RFX3: variants seen among roughly 807,000 people sequenced by gnomAD.
RFX3 encodes the protein transcription factor RFX3.
In RFX3, 14 loss-of-function variants were observed where a neutral mutation model predicts 98.6. The observed-to-expected ratio is 0.14, with a 90% CI of 0.09 to 0.22. The LOEUF (loss-of-function observed/expected upper bound fraction) is 0.22, where lower values mean the gene tolerates loss of function less well. Ranked by LOEUF, RFX3 falls within the 10% of genes least tolerant of loss-of-function variation. The pLI is 1.00. For missense variants in RFX3, 639 were observed against 926.9 expected (o/e 0.69, Z 4.03); for synonymous variants, 383 against 328.4 (o/e 1.17, Z -1.80).
chr9:3,366,966 A>G (rs187211725), intron 2 of RFX3, among the ~76,000 whole-genome samples: 122 of 151,968 alleles, frequency 8.0e-4, no homozygotes, highest in African/African-American at 2.4e-3. Flanking sequence ...TATATGCTTC[A>G]CTCTACCTCA....
chr9:3,342,487 T>G (rs1833999596), intron 3 of RFX3, among the ~76,000 whole-genome samples: 1 of 152,200 alleles, frequency 6.6e-6, no homozygotes, highest in Non-Finnish European at 1.5e-5. Context: ...ACTGATTATC[T>G]CTAAAGAGTG....
intron 2 of RFX3, among the ~76,000 whole-genome samples, chr9:3,375,269 A>G (rs1453869954): frequency 6.6e-6 from 1 of 152,172 alleles, no homozygotes; most frequent in African/African-American, 2.4e-5. Context: ...GCGCCTGATA[A>G]TACACTCTGG....
intron 1 of RFX3, among the ~76,000 whole-genome samples, chr9:3,501,967 T>A (rs1340513926): frequency 2.6e-5 from 4 of 151,852 alleles, no homozygotes; most frequent in Admixed American, 1.3e-4. Context: ...AAAAATCACT[T>A]TCGGCCAGGC....
chr9:3,330,603 T>C (rs1425019794), intron 3 of RFX3, 86 bp from the exon 4 acceptor site: 7 of 1,294,740 alleles, frequency 5.4e-6, no homozygotes, highest in East Asian at 2.5e-5. Flanking sequence ...AATTGAAATA[T>C]ATTGGTTGGC....
chr9:3,491,701 G>C (rs925250518), intron 1 of RFX3, among the ~76,000 whole-genome samples: 3 of 152,074 alleles, frequency 2.0e-5, no homozygotes, highest in African/African-American at 7.2e-5. Flanking sequence ...AACCACAGTT[G>C]CTTAGGATCT....
chr9:3,241,613 T>G (rs936282399), intron 15 of RFX3, among the ~76,000 whole-genome samples: 2 of 152,054 alleles, frequency 1.3e-5, no homozygotes, highest in Admixed American at 6.5e-5. Context: ...CTCTGGAACT[T>G]TGGGGTCACT....
intron 1 of RFX3, among the ~76,000 whole-genome samples, chr9:3,424,116 CAG>C (rs1843726629): frequency 2.0e-5 from 3 of 150,296 alleles, no homozygotes; most frequent in Non-Finnish European, 1.5e-5. Context: ...CACTACACTC[CAG>C]CCTGGGCGAC....
intron 2 of RFX3, among the ~76,000 whole-genome samples, chr9:3,366,768 G>C (rs1263588217): frequency 1.7e-5 from 1 of 60,136 alleles, no homozygotes; most frequent in East Asian, 4.6e-4. Flanking sequence ...CTATTCTTAT[G>C]TACATTCAAA....
At chr9:3,434,453 G>T (rs1432746444) in intron 1 of RFX3, among the ~76,000 whole-genome samples, 1 of 151,936 alleles carries the variant, frequency 6.6e-6, no homozygotes, top group Non-Finnish European at 1.5e-5. Flanking sequence ...TCAGAGCCTT[G>T]GTCTATGTAT....
intron 15 of RFX3, among the ~76,000 whole-genome samples, chr9:3,232,942 A>C (rs1383202224): frequency 6.6e-6 from 1 of 152,220 alleles, no homozygotes; most frequent in Non-Finnish European, 1.5e-5. Flanking sequence ...TAGAAAGTAT[A>C]TGGCCTTCAA....
chr9:3,319,930 A>C lies in RFX3; in HGVS notation c.474+10329T>G, dbSNP rs79602155. ...CAACTTTCATTCCAAAATGTTGAAC[A>C]GTAAGAATGGCTCTAAAAATTTCAA... On this transcript the variant is annotated intron_variant, in intron 4 of 16. Transcript: ENST00000617270. Among the ~76,000 whole-genome samples, 1,397 of 152,282 alleles carry C rather than the reference A, an allele frequency of 9.2e-3. 23 individuals carry two copies. Among genetic ancestry groups the C allele is most frequent in the African/African-American group, 0.032 (1,320 of 41,572 alleles).
At position 3,504,969 on chromosome 9, in the gene RFX3, T is replaced by A. The variant is rs1258887179; in HGVS notation, c.-9+20778A>T. 5.0e-5 allele frequency among the ~76,000 whole-genome samples: 4 copies of A among 79,408 alleles called. No homozygotes were observed. In the Admixed American group the frequency reaches 6.9e-4, roughly 14 times the overall value. The allele number at this position is 79,408 out of a possible 152,430, so 52.1% of individuals were successfully genotyped here. ...AATATAATATATATTATATATAATA[T>A]ATATTATATAATATATATGTTATAT... On this transcript the variant is annotated intron_variant, in intron 1 of 16. Coordinates refer to ENST00000617270, the MANE Select transcript of RFX3 (RefSeq NM_001282116.2).
chr9:3,439,025 G>A (rs943642208), intron 1 of RFX3, among the ~76,000 whole-genome samples: 29 of 151,770 alleles, frequency 1.9e-4, no homozygotes, highest in Admixed American at 3.9e-4. Context: ...AAGGTCTCTA[G>A]AATATCCCCA....
At chr9:3,429,589 C>T (rs144331309) in intron 1 of RFX3, among the ~76,000 whole-genome samples, 1,640 of 152,052 alleles carry the variant, frequency 0.011, 26 homozygotes, top group African/African-American at 0.037. Context: ...GCATTTTTCC[C>T]TCTAGGCTCC....
intron 2 of RFX3, among the ~76,000 whole-genome samples, chr9:3,388,717 A>G (rs1317988871): frequency 6.6e-6 from 1 of 152,158 alleles, no homozygotes; most frequent in African/African-American, 2.4e-5. Context: ...TGAGTCCCTT[A>G]GCAGGAAAAG....
chr9:3,473,929 T>A (rs1008431386), intron 1 of RFX3, among the ~76,000 whole-genome samples: 3 of 152,122 alleles, frequency 2.0e-5, no homozygotes, highest in African/African-American at 7.2e-5. Flanking sequence ...GGAAAAATAA[T>A]AAAATATAGA....
intron 1 of RFX3, among the ~76,000 whole-genome samples, chr9:3,415,095 C>T (rs1269408409): frequency 1.2e-5 from 1 of 83,992 alleles, no homozygotes; most frequent in Admixed American, 1.2e-4. Flanking sequence ...TATATATATA[C>T]TCATATATAA....
intron 1 of RFX3, chr9:3,420,657 T>C (rs564812228): frequency 5.9e-6 from 2 of 341,802 alleles, no homozygotes; most frequent in Non-Finnish European, 8.3e-6. Context: ...GTATCCCACA[T>C]AGATAAAAGA....
At chr9:3,404,795 GA>G (rs1406646654) in intron 1 of RFX3, among the ~76,000 whole-genome samples, 2 of 151,878 alleles carry the variant, frequency 1.3e-5, no homozygotes, top group East Asian at 1.9e-4. Flanking sequence ...CTAAAATGGG[GA>G]AAAAAACTCT....
Sources: gnomAD v4.1 joint callset for allele counts (sites outside exome capture counted in the v4.1 genomes callset) on GRCh38, gnomAD v4.1.1 for gene constraint, MANE v1.5 for transcripts, NCBI Gene and HGNC (gene_info 2026-07-23, HGNC 2026-07-21) for gene names.